FBLN5: variants seen among roughly 807,000 people sequenced by gnomAD.
FBLN5 encodes the protein fibulin-5.
In FBLN5, 24 loss-of-function variants were observed where a neutral mutation model predicts 61.6. That is an observed-to-expected ratio of 0.39 (90% CI 0.28 to 0.55). FBLN5 has a LOEUF of 0.55. FBLN5 is among the 20% of genes least tolerant of loss of function. The pLI is 0.65. For synonymous variants in FBLN5, 213 were observed against 219.8 expected (o/e 0.97, Z 0.27); for missense variants, 470 against 594.1 (o/e 0.79, Z 2.17).
At chr14:91,889,946 GCCTGTGGCTGGCACCTCCAAT>G (rs913172764) in intron 6 of FBLN5, among the ~76,000 whole-genome samples, 2 of 152,192 alleles carry the variant, frequency 1.3e-5, no homozygotes, top group African/African-American at 4.8e-5. Context: ...CACGGTGCCA[GCCTGTGGCTGGCACCTCCAAT>G]CCCAGGCCTT....
intron 4 of FBLN5, among the ~76,000 whole-genome samples, chr14:91,912,026 T>C (rs1337521186): frequency 1.3e-5 from 2 of 152,208 alleles, no homozygotes; most frequent in African/African-American, 2.4e-5. Context: ...CTGTGCATCA[T>C]TGTTACATTG....
Position 91,883,031 on chromosome 14 carries a change from C to T in FBLN5, c.785G>A (p.Cys262Tyr). The T allele has an allele frequency of 6.2e-7, 1 of 1,614,130 alleles. No homozygotes were observed. Among genetic ancestry groups the T allele is most frequent in the Non-Finnish European group, 8.5e-7 (1 of 1,179,950 alleles). Residue 262 changes from cysteine (C) to tyrosine (Y), a missense_variant, in exon 8 of 11, where the codon TGT becomes TAT. By Grantham distance (194) the Cys-to-Tyr change is radical. Transcript: ENST00000342058. ...SFSEFLCQHE[C>Y]VNQPGTYFCS... is the part of the protein sequence containing the mutation. ...GAAGTATGTGCCGGGCTGGTTCACACACTCATGTTGGCAGAGGAACTCAGA... is the reference window on the plus strand; with the variant it reads ...GAAGTATGTGCCGGGCTGGTTCACATACTCATGTTGGCAGAGGAACTCAGA...
chr14:91,888,523 C>T (rs1183705006), intron 6 of FBLN5, among the ~76,000 whole-genome samples: 2 of 151,000 alleles, frequency 1.3e-5, no homozygotes, highest in East Asian at 1.9e-4. Context: ...ACAAGGGAAT[C>T]GCTTGAACCC....
chr14:91,877,057 G>A (rs571149704), intron 10 of FBLN5, among the ~76,000 whole-genome samples: 1 of 152,062 alleles, frequency 6.6e-6, no homozygotes, highest in African/African-American at 2.4e-5. Context: ...TGCCCAAGCT[G>A]GTCTTGAGCT....
intron 6 of FBLN5, among the ~76,000 whole-genome samples, chr14:91,888,608 C>CAA (rs34117518): frequency 1.6e-3 from 187 of 113,722 alleles, no homozygotes; most frequent in Middle Eastern, 9.7e-3. Context: ...GACTCTGTCT[C>CAA]AAAAAAAAAA....
intron 4 of FBLN5, among the ~76,000 whole-genome samples, chr14:91,914,339 G>T (rs958747660): frequency 6.6e-5 from 10 of 151,960 alleles, no homozygotes; most frequent in African/African-American, 2.2e-4. Flanking sequence ...TTAGCCGAGC[G>T]TGGTGGCAGG....
intron 3 of FBLN5, 34 bp downstream of exon 3, chr14:91,940,531 T>C (rs2056088950): frequency 1.9e-6 from 3 of 1,588,626 alleles, no homozygotes; most frequent in South Asian, 2.2e-5. Context: ...GCTGAATGCC[T>C]CCACCCCAAT....
chr14:91,920,086 C>T (rs1020457010), intron 4 of FBLN5, among the ~76,000 whole-genome samples: 4 of 152,192 alleles, frequency 2.6e-5, no homozygotes, highest in East Asian at 1.9e-4. Flanking sequence ...CTCTTCCCCA[C>T]GGTCAGTAGG....
At chr14:91,902,964 A>G (rs1890521789) in intron 4 of FBLN5, among the ~76,000 whole-genome samples, 1 of 152,166 alleles carries the variant, frequency 6.6e-6, no homozygotes, top group South Asian at 2.1e-4. Flanking sequence ...CAAAAAACTA[A>G]CTACTGGGAA....
chr14:91,897,922 T>C (rs2300136), intron 4 of FBLN5, among the ~76,000 whole-genome samples: 123,789 of 151,894 alleles, frequency 0.81, 51,689 homozygotes, highest in Admixed American at 0.91. Flanking sequence ...TGGTGGCGCA[T>C]ACCTGTAGTC....
intron 4 of FBLN5, among the ~76,000 whole-genome samples, chr14:91,899,755 C>T (rs1001748764): frequency 2.6e-5 from 4 of 152,192 alleles, no homozygotes; most frequent in Non-Finnish European, 4.4e-5. Context: ...GTAAGCTTTA[C>T]GTGGGCAGAT....
chr14:91,881,270 C>T (rs1196896441), intron 9 of FBLN5, 22 bp downstream of exon 9: 3 of 1,613,812 alleles, frequency 1.9e-6, no homozygotes, highest in East Asian at 4.5e-5. Context: ...TTTCTATTCC[C>T]CAGGGGGACG....
In FBLN5 at chr14:91,891,078, A is replaced by G. The variant is rs964260433; in HGVS notation, c.619+143T>C. ...CAAGGTTCAGGTCTCACGTTTCTGT[A>G]GTAATGGGGATGGGCGGGCAGTGGC... On this transcript the variant is annotated intron_variant, in intron 6 of 10. Coordinates refer to ENST00000342058, the MANE Select transcript of FBLN5 (RefSeq NM_006329.4). 4 of 715,060 alleles carry G rather than the reference A, an allele frequency of 5.6e-6. No individual in the cohort carries two copies. In the Admixed American group the frequency reaches 7.8e-5, roughly 14 times the overall value. The allele number at this position is 715,060 out of a possible 1,614,324, so 44.3% of individuals were successfully genotyped here.
At chr14:91,924,217 C>T (rs1282827028) in intron 4 of FBLN5, among the ~76,000 whole-genome samples, 5 of 152,202 alleles carry the variant, frequency 3.3e-5, no homozygotes, top group Non-Finnish European at 7.3e-5. Context: ...ACAGCTCAGA[C>T]CTCAACACAT....
chr14:91,870,152 C>T lies in FBLN5; in HGVS notation c.*72G>A. ...CTAACGTCTGTGTCGCTCTCATTCTCTCTGTTATTTCCTCTCTTCTCCTGT... is the reference window on the plus strand; with the variant it reads ...CTAACGTCTGTGTCGCTCTCATTCTTTCTGTTATTTCCTCTCTTCTCCTGT... On this transcript the variant is annotated 3_prime_UTR_variant, in exon 11 of 11. Coordinates refer to ENST00000342058, the MANE Select transcript of FBLN5 (RefSeq NM_006329.4). 6.8e-7 allele frequency: 1 copy of T among 1,469,038 alleles called. No homozygotes were observed. The highest frequency in any genetic ancestry group is 9.5e-7 in the Non-Finnish European group (1 of 1,048,866). 91.0% of individuals were successfully genotyped at this position (1,469,038 alleles called of 1,614,324 possible).
intron 4 of FBLN5, among the ~76,000 whole-genome samples, chr14:91,912,536 T>C (rs927373882): frequency 5.3e-5 from 8 of 152,062 alleles, no homozygotes; most frequent in African/African-American, 1.9e-4. Flanking sequence ...TCTCAGCTAC[T>C]TGGGAGGCTG....
intron 4 of FBLN5, among the ~76,000 whole-genome samples, chr14:91,930,857 G>A (rs145459310): frequency 1.3e-5 from 2 of 152,268 alleles, no homozygotes; most frequent in Non-Finnish European, 2.9e-5. Context: ...AAAGCCGTTC[G>A]AGGCCTGCAA....
rs147699855 is a variant in FBLN5, at chr14:91,887,320, A to G, written c.620-8T>C. 7.6e-4 allele frequency: 1,233 copies of G among 1,612,438 alleles called. 6 individuals are homozygous for G. The African/African-American group carries it at 9.2e-3, about 12-fold the overall frequency. On this transcript the variant is annotated splice_polypyrimidine_tract_variant and splice_region_variant and intron_variant, in intron 6 of 10. Coordinates refer to ENST00000342058, the MANE Select transcript of FBLN5 (RefSeq NM_006329.4). ...TGGCACACTCGTTCACATCTGTGGA[A>G]AGCCAAGGCACATTGCTGACTGTCC... is the stretch of plus-strand genomic sequence containing the variant.
chr14:91,918,071 G>C (rs770212333), intron 4 of FBLN5, among the ~76,000 whole-genome samples: 21 of 152,184 alleles, frequency 1.4e-4, no homozygotes, highest in Non-Finnish European at 2.4e-4. Flanking sequence ...AGTTGGGAGT[G>C]TCACATCTAG....
Sources: gnomAD v4.1 joint callset for allele counts (sites outside exome capture counted in the v4.1 genomes callset) on GRCh38, gnomAD v4.1.1 for gene constraint, MANE v1.5 for transcripts, NCBI Gene and HGNC (gene_info 2026-07-23, HGNC 2026-07-21) for gene names.